The following COL23A1 variants were observed in gnomAD, a reference collection of about 807,000 sequenced individuals.
COL23A1 encodes the protein collagen alpha-1(XXIII) chain.
Under a neutral mutation model 99.3 loss-of-function variants are expected in COL23A1, and 97 were observed. That is an observed-to-expected ratio of 0.98 (90% CI 0.83 to 1.16). The LOEUF is 1.16. COL23A1 is among the 50% of genes most tolerant of loss of function. The probability of loss-of-function intolerance (pLI) is 0.00; values close to 1 mark genes in which losing one functional copy is unlikely to be tolerated. For synonymous variants in COL23A1, 320 were observed against 308.2 expected (o/e 1.04, Z -0.40); for missense variants, 762 against 757.4 (o/e 1.01, Z -0.07).
At chr5:178,355,052 G>A (rs2127685520) in intron 2 of COL23A1, among the ~76,000 whole-genome samples, 1 of 125,920 alleles carries the variant, frequency 7.9e-6, no homozygotes, top group South Asian at 2.4e-4. Context: ...GTGAGACTTT[G>A]TCTCAAAAAA....
chr5:178,471,083 G>C (rs540662201), intron 2 of COL23A1, among the ~76,000 whole-genome samples: 63 of 152,232 alleles, frequency 4.1e-4, no homozygotes, highest in African/African-American at 1.5e-3. Flanking sequence ...CTCGTGTATT[G>C]GTCAGGTCCC....
Position 178,248,248 on chromosome 5 carries a change from C to A in COL23A1, c.1156G>T (p.Asp386Tyr). 6.2e-7 allele frequency: 1 copy of A among 1,610,396 alleles called. No individual in the cohort carries two copies. Among genetic ancestry groups the A allele is most frequent in the Non-Finnish European group, 8.5e-7 (1 of 1,177,554 alleles). Reference protein sequence around the residue: ...EMGLSGLPGADGLKGEKGESA... With the variant: ...EMGLSGLPGAYGLKGEKGESA... ...TCCCCCTTCTCCCCCTTGAGGCCGT[C>A]AGCGCCCTGCAGGACGGCAATGGCC... Residue 386 changes from aspartate to tyrosine, a missense_variant, in exon 20 of 29, where the codon GAC becomes TAC. By Grantham distance (160) the Asp-to-Tyr change is radical. Coordinates refer to ENST00000390654, the MANE Select transcript of COL23A1 (RefSeq NM_173465.4).
At chr5:178,347,838 G>A (rs1761064569) in intron 2 of COL23A1, among the ~76,000 whole-genome samples, 2 of 137,994 alleles carry the variant, frequency 1.4e-5, no homozygotes, top group African/African-American at 2.8e-5. Flanking sequence ...CCGAGATTGC[G>A]CCATTGCACT....
At chr5:178,374,061 T>C (rs1762943628) in intron 2 of COL23A1, among the ~76,000 whole-genome samples, 1 of 152,148 alleles carries the variant, frequency 6.6e-6, no homozygotes, top group African/African-American at 2.4e-5. Flanking sequence ...TTGAGTCCAA[T>C]TTTACTCACA....
chr5:178,284,555 C>A (rs62390180), intron 5 of COL23A1, among the ~76,000 whole-genome samples: 1 of 152,084 alleles, frequency 6.6e-6, no homozygotes, highest in African/African-American at 2.4e-5. Context: ...TGCAGCAATT[C>A]CACTTTTAGT....
At chr5:178,574,343 T>C (rs1327868178) in intron 1 of COL23A1, among the ~76,000 whole-genome samples, 2 of 151,588 alleles carry the variant, frequency 1.3e-5, no homozygotes, top group African/African-American at 4.9e-5. Flanking sequence ...TCAACATCCA[T>C]CTAACTCTAC....
chr5:178,240,341 G>C (rs1389522936), intron 27 of COL23A1, among the ~76,000 whole-genome samples: 1 of 151,924 alleles, frequency 6.6e-6, no homozygotes, highest in Non-Finnish European at 1.5e-5. Flanking sequence ...AAGGTGGGGA[G>C]GGGGGCAGAA....
chr5:178,509,675 C>G (rs117339046), intron 2 of COL23A1, among the ~76,000 whole-genome samples: 1 of 152,132 alleles, frequency 6.6e-6, no homozygotes, highest in South Asian at 2.1e-4. Context: ...CTGACCTTCC[C>G]GCTGTGGCCA....
intron 2 of COL23A1, among the ~76,000 whole-genome samples, chr5:178,407,852 A>G (rs1257769491): frequency 6.6e-6 from 1 of 152,214 alleles, no homozygotes; most frequent in Non-Finnish European, 1.5e-5. Context: ...CTAAAACAAA[A>G]GATCTGACAT....
At position 178,368,663 on chromosome 5, in the gene COL23A1, G is replaced by T. The variant is rs1339843085; in HGVS notation, c.362-61744C>A. The stretch of plus-strand genomic sequence containing the variant: ...GTGGGGCCAAGCCTGGCCTCCAGAA[G>T]CCATCGGCCTCCAGAAGCCGTCAGC... On this transcript the variant is annotated intron_variant, in intron 2 of 28. Coordinates refer to ENST00000390654, the MANE Select transcript of COL23A1 (RefSeq NM_173465.4). Among the ~76,000 whole-genome samples, 49 of 149,680 alleles carry T rather than the reference G, an allele frequency of 3.3e-4. 1 individual carries two copies. Among genetic ancestry groups the T allele is most frequent in the Non-Finnish European group, 5.9e-5 (4 of 68,008 alleles).
chr5:178,343,663 A>ATATATT (rs1554141722), intron 2 of COL23A1, among the ~76,000 whole-genome samples: 7 of 134,344 alleles, frequency 5.2e-5, no homozygotes, highest in African/African-American at 1.9e-4. Context: ...ATATATATAT[A>ATATATT]TTTTTTTTTT....
chr5:178,322,519 G>C (rs932145546), intron 2 of COL23A1, among the ~76,000 whole-genome samples: 4 of 152,186 alleles, frequency 2.6e-5, no homozygotes, highest in Non-Finnish European at 5.9e-5. Context: ...GAAAGATCTG[G>C]ATTTGCGCGC....
chr5:178,496,852 C>T (rs1198051731), intron 2 of COL23A1, among the ~76,000 whole-genome samples: 1 of 152,196 alleles, frequency 6.6e-6, no homozygotes, highest in Admixed American at 6.5e-5. Context: ...TCCTGGCACT[C>T]AATTCTGAAA....
intron 2 of COL23A1, among the ~76,000 whole-genome samples, chr5:178,539,791 C>T (rs1370207896): frequency 6.6e-6 from 1 of 152,092 alleles, no homozygotes; most frequent in Non-Finnish European, 1.5e-5. Context: ...ACCAGCATAA[C>T]CTTATACCAA....
intron 2 of COL23A1, among the ~76,000 whole-genome samples, chr5:178,436,612 C>T (rs1039169217): frequency 1.3e-5 from 2 of 152,322 alleles, no homozygotes; most frequent in Admixed American, 6.5e-5. Context: ...GAATGCTGAG[C>T]GAGGTGCTGC....
At chr5:178,534,560 C>G (rs1760828992) in intron 2 of COL23A1, among the ~76,000 whole-genome samples, 1 of 152,160 alleles carries the variant, frequency 6.6e-6, no homozygotes, top group South Asian at 2.1e-4. Flanking sequence ...GCGGGCAGAT[C>G]ACGAGGTCAG....
chr5:178,412,549 C>T (rs111803296), intron 2 of COL23A1, among the ~76,000 whole-genome samples: 17 of 152,288 alleles, frequency 1.1e-4, no homozygotes, highest in African/African-American at 4.1e-4. Flanking sequence ...TACTTCTCTA[C>T]CCCTTCCTTA....
intron 18 of COL23A1, among the ~76,000 whole-genome samples, chr5:178,249,714 A>ACTCTCT (rs1554125211): frequency 3.4e-5 from 4 of 116,314 alleles, no homozygotes; most frequent in African/African-American, 1.3e-4. Flanking sequence ...ACACACACAC[A>ACTCTCT]CACTCTCTCT....
intron 2 of COL23A1, among the ~76,000 whole-genome samples, chr5:178,508,547 T>C (rs1562036066): frequency 6.6e-6 from 1 of 152,202 alleles, no homozygotes; most frequent in Non-Finnish European, 1.5e-5. Flanking sequence ...TGTGTTGCTG[T>C]CACGTGGGGT....
Sources: allele counts gnomAD v4.1 joint callset (sites outside exome capture counted in the v4.1 genomes callset), GRCh38; gene constraint gnomAD v4.1.1; transcripts MANE v1.5; gene names NCBI Gene and HGNC (gene_info 2026-07-23, HGNC 2026-07-21).